FAM13A: variants seen among roughly 807,000 people sequenced by gnomAD.
The protein encoded by FAM13A is family with sequence similarity 13 member A, also known as protein FAM13A.
A neutral mutation model predicts 129.6 loss-of-function variants in FAM13A; 76 were observed. The ratio of observed to expected loss-of-function variants is 0.59; its 90% CI spans 0.49 to 0.71. The LOEUF is 0.71. Among genes scored for constraint, FAM13A ranks in the 30% least tolerant of loss-of-function variants. The probability of loss-of-function intolerance (pLI) is 0.00; values close to 1 mark genes in which losing one functional copy is unlikely to be tolerated. For synonymous variants in FAM13A, 443 were observed against 449.9 expected, an observed-to-expected ratio of 0.98 and a Z score of 0.20; for missense variants, 1,108 against 1,249.3, an observed-to-expected ratio of 0.89 and a Z score of 1.70.
At chr4:88,779,741 C>T (rs1392814062) in intron 11 of FAM13A, among the ~76,000 whole-genome samples, 1 of 152,164 alleles carries the variant, frequency 6.6e-6, no homozygotes, top group East Asian at 1.9e-4. Flanking sequence ...TATCAGTAAA[C>T]ACATATTCTA....
chr4:88,936,963 C>T (rs946600970), intron 5 of FAM13A: 6 of 151,960 alleles, frequency 3.9e-5, no homozygotes, highest in African/African-American at 1.2e-4. Context: ...AACTTGAGGG[C>T]GATTTTTTTC....
intron 5 of FAM13A, among the ~76,000 whole-genome samples, chr4:88,924,236 G>A (rs927537115): frequency 2.1e-4 from 32 of 152,180 alleles, no homozygotes; most frequent in African/African-American, 4.8e-4. Flanking sequence ...AAAAGAGCCC[G>A]CATCGCCAAG....
At chr4:88,938,315 A>G in intron 4 of FAM13A, 74 bp from the exon 5 acceptor site, 1 of 1,189,958 alleles carries the variant, frequency 8.4e-7, no homozygotes, top group South Asian at 1.6e-5. Context: ...TCAGACTTGT[A>G]TTTTGAAATC....
At chr4:88,774,373 T>C (rs1031336626) in intron 11 of FAM13A, among the ~76,000 whole-genome samples, 8 of 152,232 alleles carry the variant, frequency 5.3e-5, no homozygotes, top group Admixed American at 4.6e-4. Context: ...TTTGATCACA[T>C]TGTGTCCTTA....
chr4:88,839,400 T>C lies in FAM13A; in HGVS notation c.1007+11620A>G, dbSNP rs539285441. ...ACAAGTACTCTTTAAGGCAATAGAG[T>C]GTATAGAGGAGCAAATAAAATTGAA... On this transcript the variant is annotated intron_variant, in intron 7 of 23. Coordinates refer to ENST00000264344, the MANE Select transcript of FAM13A (RefSeq NM_014883.4). Among the ~76,000 whole-genome samples, 19 of 152,212 alleles carry C rather than the reference T, an allele frequency of 1.2e-4. No homozygotes were observed. The South Asian group carries it at 3.7e-3, about 30-fold the overall frequency.
rs190838752 is a variant in FAM13A at position 89,036,279 on chromosome 4, T to C, written c.28-6630A>G. Among the ~76,000 whole-genome samples, 57 of 152,328 alleles carry C rather than the reference T, an allele frequency of 3.7e-4. 1 individual carries two copies. The East Asian group carries it at 0.01, about 27-fold the overall frequency. On this transcript the variant is annotated intron_variant, in intron 1 of 23. Coordinates refer to ENST00000264344, the MANE Select transcript of FAM13A (RefSeq NM_014883.4). ...ACTGGAGTAAAGGTTACTCTTGTTA[T>C]GCTTTAGCAAAGGAAGTGGCAGCAT...
chr4:88,757,329 A>T (rs1743873339), intron 14 of FAM13A, among the ~76,000 whole-genome samples: 2 of 152,196 alleles, frequency 1.3e-5, no homozygotes, highest in African/African-American at 4.8e-5. Flanking sequence ...CCTAGTTTTT[A>T]TCTAGAGCTT....
intron 4 of FAM13A, among the ~76,000 whole-genome samples, chr4:88,954,544 CCTAT>C (rs1456037269): frequency 6.6e-6 from 1 of 152,070 alleles, no homozygotes; most frequent in African/African-American, 2.4e-5. Context: ...GGCTTAAACA[CCTAT>C]ACAAAAAATA....
In FAM13A at chr4:88,787,898, G is replaced by C. The variant is rs1724298996; in HGVS notation, c.1126C>G (p.Gln376Glu). The C allele has an allele frequency of 1.2e-6, 2 of 1,613,256 alleles. No individual in the cohort carries two copies. The highest frequency in any genetic ancestry group is 1.7e-6 in the Non-Finnish European group (2 of 1,179,496). Residue 376 changes from glutamine (Q) to glutamate (E), a missense_variant, in exon 10 of 24, where the codon CAA (glutamine) becomes GAA (glutamate). This residue lies in a region of FAM13A where 566 missense variants were observed against 595.7 expected (regional missense o/e 0.95). Coordinates refer to ENST00000264344, the MANE Select transcript of FAM13A (RefSeq NM_014883.4). ...LERTIRSAVE[Q>E]HLFDVNNSGG... Reference sequence around the variant, plus strand: ...GAGTTATTAACATCAAAAAGATGTTGTTCTACAGCTGATCGGATGGTTCTT... The same window carrying C: ...GAGTTATTAACATCAAAAAGATGTTCTTCTACAGCTGATCGGATGGTTCTT...
intron 7 of FAM13A, among the ~76,000 whole-genome samples, chr4:88,809,147 C>G (rs929877681): frequency 2.6e-5 from 4 of 152,156 alleles, no homozygotes; most frequent in African/African-American, 9.6e-5. Context: ...ATACAGCAAG[C>G]TAAAGGAAAT....
At chr4:88,822,043 T>A (rs539145271) in intron 7 of FAM13A, among the ~76,000 whole-genome samples, 6 of 152,346 alleles carry the variant, frequency 3.9e-5, no homozygotes, top group Non-Finnish European at 7.4e-5. Context: ...TAGTTTTTTT[T>A]ATCCTTAAAT....
At chr4:88,852,540 ATT>A (rs1166077904) in intron 6 of FAM13A, among the ~76,000 whole-genome samples, 3 of 152,084 alleles carry the variant, frequency 2.0e-5, no homozygotes, top group African/African-American at 7.2e-5. Context: ...TTGATTACAC[ATT>A]GCCTGATACT....
At position 88,983,393 on chromosome 4, in the gene FAM13A, G is replaced by T. The variant is rs192625538; in HGVS notation, c.605+7580C>A. Among the ~76,000 whole-genome samples, 3 of 152,090 alleles carry T rather than the reference G, an allele frequency of 2.0e-5. No homozygotes were observed. The East Asian group carries it at 5.8e-4, about 29-fold the overall frequency. On this transcript the variant is annotated intron_variant, in intron 4 of 23. Coordinates refer to ENST00000264344, the MANE Select transcript of FAM13A (RefSeq NM_014883.4). ...AGCACCTAATAGGAAAATGGCAAAA[G>T]ATACAAACAGGTATATGAGGAAAAA...
intron 7 of FAM13A, among the ~76,000 whole-genome samples, chr4:88,835,314 T>C (rs1734632921): frequency 6.6e-6 from 1 of 152,202 alleles, no homozygotes; most frequent in East Asian, 1.9e-4. Flanking sequence ...CTCATGCCTA[T>C]TCTGATTTGT....
At chr4:88,841,149 A>G (rs1032159383) in intron 7 of FAM13A, among the ~76,000 whole-genome samples, 13 of 152,236 alleles carry the variant, frequency 8.5e-5, no homozygotes, top group African/African-American at 2.9e-4. Context: ...AGAAAATAAT[A>G]GATTAATTGG....
chr4:88,895,990 A>G (rs1746239275), intron 6 of FAM13A, among the ~76,000 whole-genome samples: 1 of 148,296 alleles, frequency 6.7e-6, no homozygotes, highest in Admixed American at 6.8e-5. Flanking sequence ...TTGTGGCACT[A>G]TTCACAATAG....
chr4:88,858,046 G>A (rs1738853240), intron 6 of FAM13A, among the ~76,000 whole-genome samples: 1 of 152,140 alleles, frequency 6.6e-6, no homozygotes, highest in Admixed American at 6.6e-5. Flanking sequence ...CTTAAAAATA[G>A]TTACGGTACA....
At chr4:88,855,894 T>C (rs1738406333) in intron 6 of FAM13A, 1 of 152,164 alleles carries the variant, frequency 6.6e-6, no homozygotes, top group African/African-American at 2.4e-5. Flanking sequence ...AGAGTACGAA[T>C]TATCTGCCAT....
intron 7 of FAM13A, among the ~76,000 whole-genome samples, chr4:88,844,464 G>A (rs898525252): frequency 6.6e-6 from 1 of 152,046 alleles, no homozygotes; most frequent in East Asian, 1.9e-4. Context: ...ATTATTACAG[G>A]GCTGCCTGAC....
Sources: allele counts gnomAD v4.1 joint callset (sites outside exome capture counted in the v4.1 genomes callset), GRCh38; gene constraint gnomAD v4.1.1; regional missense constraint gnomAD v4.1.1; transcripts MANE v1.5; gene names NCBI Gene and HGNC (gene_info 2026-07-23, HGNC 2026-07-21).